Variants in WDR36 observed in about 807,000 individuals in gnomAD.
WDR36 encodes the protein WD repeat domain 36, also known as WD repeat-containing protein 36.
In WDR36, 63 loss-of-function variants were observed where a neutral mutation model predicts 112.7. The ratio of observed to expected loss-of-function variants is 0.56; its 90% CI spans 0.46 to 0.69. WDR36 has a LOEUF of 0.69. WDR36 is among the 30% of genes least tolerant of loss of function. The probability of loss-of-function intolerance (pLI) is 0.00; values close to 1 mark genes in which losing one functional copy is unlikely to be tolerated. For synonymous variants in WDR36, 410 were observed against 362.2 expected (o/e 1.13, Z -1.50); for missense variants, 1,226 against 1,070.3 (o/e 1.15, Z -2.03).
Position 111,120,410 on chromosome 5 carries a change from TGTAGTCAAATTCAAG to T in WDR36, c.1905-85_1905-71del, listed in dbSNP as rs1385777526. 3 of 1,062,972 alleles carry T rather than the reference TGTAGTCAAATTCAAG, an allele frequency of 2.8e-6. No individual in the cohort carries two copies. The African/African-American group carries it at 4.8e-5, about 17-fold the overall frequency. The allele number at this position is 1,062,972 out of a possible 1,614,324, so 65.8% of individuals were successfully genotyped here. A position where few individuals can be genotyped will look rare whatever the true frequency, so the allele number is the denominator to read the frequency against. ...AGGTATTTTTTAACTAATAAAAGTC[TGTAGTCAAATTCAAG>T]ATTGTAGAGTGTTTCTCTGAAAGAA... On this transcript the variant is annotated intron_variant, in intron 17 of 22. Coordinates refer to ENST00000513710, the MANE Select transcript of WDR36 (RefSeq NM_139281.3).
chr5:111,100,857 C>T, intron 5 of WDR36, 136 bp downstream of exon 5: 6 of 795,868 alleles, frequency 7.5e-6, no homozygotes, highest in South Asian at 2.2e-5. Flanking sequence ...CAGTTGGTCC[C>T]CTGTATCAGA....
At chr5:111,110,394 A>C (rs1042704469) in intron 13 of WDR36, 91 bp downstream of exon 13, 85 of 1,060,228 alleles carry the variant, frequency 8.0e-5, no homozygotes, top group Non-Finnish European at 1.2e-4. Context: ...AGTGCTGGGC[A>C]TTTTGCTAAA....
chr5:111,104,331 T>C lies in WDR36; in HGVS notation c.885T>C (p.Asn295=), dbSNP rs781293533. ...FLHREPLLVT[N]GADNALRIWI... ...ATAGAGAGCCACTTCTTGTCACAAA[T>C]GGCGCTGACAATGCTCTTAGGGTAT... The change falls in exon 8 of 23, where the codon AAT becomes AAC. Residue 295 remains asparagine (N), a synonymous_variant. Coordinates refer to ENST00000513710, the MANE Select transcript of WDR36 (RefSeq NM_139281.3). The C allele has an allele frequency of 6.2e-7, 1 of 1,611,912 alleles. No homozygotes were observed. Among genetic ancestry groups the C allele is most frequent in the South Asian group, 1.1e-5 (1 of 91,062 alleles).
In WDR36 at chr5:111,113,055, T is replaced by C; in HGVS notation, c.1717-19T>C. 1 of 503,540 alleles carries C rather than the reference T, an allele frequency of 2.0e-6. No individual in the cohort carries two copies. The highest frequency in any genetic ancestry group is 2.8e-6 in the Non-Finnish European group (1 of 359,954). 31.2% of individuals were successfully genotyped at this position (503,540 alleles called of 1,614,324 possible). ...TAAATAATATATATATATATATATT[T>C]TTTTTTTTTAATTTAAAGGCTTTTA... On this transcript the variant is annotated intron_variant, in intron 15 of 22. Coordinates refer to ENST00000513710, the MANE Select transcript of WDR36 (RefSeq NM_139281.3).
chr5:111,120,633 T>C (rs1269855884), intron 18 of WDR36, 40 bp downstream of exon 18: 11 of 1,514,536 alleles, frequency 7.3e-6, no homozygotes, highest in Non-Finnish European at 1.0e-5. Flanking sequence ...AGGTGTAATA[T>C]TATAAACCTA....
Position 111,110,523 on chromosome 5 carries a change from AT to A in WDR36, c.1441+228del, listed in dbSNP as rs886386690. ...AGTTACGTGGATATTATACAGATTA[AT>A]TTTTTTTCTTCTCTCCTTTAAGCAG... On this transcript the variant is annotated intron_variant, in intron 13 of 22. Transcript: ENST00000513710. Among the ~76,000 whole-genome samples, 21 of 151,450 alleles carry A rather than the reference AT, an allele frequency of 1.4e-4. 1 individual carries two copies. The highest frequency in any genetic ancestry group is 3.4e-3 in the Middle Eastern group (1 of 294).
intron 21 of WDR36, among the ~76,000 whole-genome samples, chr5:111,124,402 G>A (rs1262773864): frequency 6.6e-6 from 1 of 152,028 alleles, no homozygotes; most frequent in Non-Finnish European, 1.5e-5. Flanking sequence ...ATCTGTTGAA[G>A]ATTTTTCATA....
Position 111,125,605 on chromosome 5 carries a change from C to T in WDR36, c.2351-3C>T, listed in dbSNP as rs373005607. The stretch of plus-strand genomic sequence containing the variant: ...GTCATAACTGGATTAAAATTTAATG[C>T]AGATGACACTGCTCTCAACCTTCTG... On this transcript the variant is annotated splice_region_variant and splice_polypyrimidine_tract_variant and intron_variant, in intron 21 of 22. Coordinates refer to ENST00000513710, the MANE Select transcript of WDR36 (RefSeq NM_139281.3). 7 of 1,612,430 alleles carry T rather than the reference C, an allele frequency of 4.3e-6. No individual in the cohort carries two copies. The highest frequency in any genetic ancestry group is 5.9e-6 in the Non-Finnish European group (7 of 1,179,160).
chr5:111,128,518 G>C lies in WDR36; in HGVS notation c.*1635G>C, dbSNP rs1753721666. The C allele has an allele frequency of 1.1e-5, 2 of 178,966 alleles. No individual in the cohort carries two copies. The highest frequency in any genetic ancestry group is 1.8e-4 in the East Asian group (2 of 10,842). The allele number at this position is 178,966 out of a possible 1,614,324, so 11.1% of individuals were successfully genotyped here. On this transcript the variant is annotated 3_prime_UTR_variant, in exon 23 of 23. Transcript: ENST00000513710. ...ATACTATATTCTAAATTGGAATATG[G>C]CAAAATCCCAATATATAATTCTATA...
intron 19 of WDR36, among the ~76,000 whole-genome samples, chr5:111,121,733 A>C (rs1271971274): frequency 6.6e-6 from 1 of 152,166 alleles, no homozygotes; most frequent in Admixed American, 6.5e-5. Flanking sequence ...AAAATGGACA[A>C]CTATGGTATA....
chr5:111,122,926 A>G (rs1290874013), intron 19 of WDR36, among the ~76,000 whole-genome samples: 3 of 152,190 alleles, frequency 2.0e-5, no homozygotes, highest in African/African-American at 7.2e-5. Context: ...CCTGGTCAAC[A>G]TGGTGAAACC....
At position 111,097,185 on chromosome 5, in the gene WDR36, T is replaced by C. The variant is rs1753011202; in HGVS notation, c.291+6T>C. 3 of 1,605,140 alleles carry C rather than the reference T, an allele frequency of 1.9e-6. No homozygotes were observed. Among genetic ancestry groups the C allele is most frequent in the Non-Finnish European group, 2.6e-6 (3 of 1,172,350 alleles). On this transcript the variant is annotated splice_donor_region_variant and intron_variant, in intron 3 of 22. Coordinates refer to ENST00000513710, the MANE Select transcript of WDR36 (RefSeq NM_139281.3). ...CATTTGCCCGTAATAAAGAGGTTGG[T>C]ATCGCTAAACTACTTGTTTGTCAGT...
chr5:111,105,448 AT>A (rs1753205638), intron 10 of WDR36, 88 bp downstream of exon 10: 1 of 1,260,126 alleles, frequency 7.9e-7, no homozygotes, highest in Non-Finnish European at 1.2e-6. Context: ...TCATCAATGC[AT>A]TTTATTTTTT....
chr5:111,102,278 G>A, intron 5 of WDR36, 67 bp from the exon 6 acceptor site: 1 of 1,188,202 alleles, frequency 8.4e-7, no homozygotes, highest in South Asian at 1.3e-5. Context: ...ACTTTTTAAT[G>A]TGTAGCTGAT....
rs540415537 is a variant in WDR36 at position 111,119,876 on chromosome 5, T to G, written c.1905-620T>G. 4.5e-4 allele frequency among the ~76,000 whole-genome samples: 69 copies of G among 152,286 alleles called. 1 individual carries two copies. Among genetic ancestry groups the G allele is most frequent in the South Asian group, 3.7e-3 (18 of 4,824 alleles). On this transcript the variant is annotated intron_variant, in intron 17 of 22. Transcript: ENST00000513710. ...TTTAGAAAAGAATAGCTATGAGCACTCACAGCAGGAGTATGGCCCTTCTCA... is the reference window on the plus strand; with the variant it reads ...TTTAGAAAAGAATAGCTATGAGCACGCACAGCAGGAGTATGGCCCTTCTCA...
chr5:111,104,562 C>G, intron 8 of WDR36, 135 bp from the exon 9 acceptor site: 1 of 1,417,862 alleles, frequency 7.1e-7, no homozygotes, highest in Non-Finnish European at 9.9e-7. Flanking sequence ...AATACCCACT[C>G]CCTCCCTTGT....
intron 2 of WDR36, among the ~76,000 whole-genome samples, chr5:111,096,071 G>A (rs1392806706): frequency 6.6e-6 from 1 of 152,130 alleles, no homozygotes; most frequent in Non-Finnish European, 1.5e-5. Flanking sequence ...ATAAAACAGG[G>A]TTATGCAAAC....
At chr5:111,113,952 A>G (rs535427625) in intron 16 of WDR36, among the ~76,000 whole-genome samples, 2 of 152,284 alleles carry the variant, frequency 1.3e-5, no homozygotes. Flanking sequence ...ACTCCCTCTC[A>G]ATACCATCAC....
chr5:111,121,904 G>T (rs1753574615), intron 19 of WDR36, among the ~76,000 whole-genome samples: 1 of 152,142 alleles, frequency 6.6e-6, no homozygotes, highest in Admixed American at 6.5e-5. Context: ...ACATACACTA[G>T]ATCTGCTGGA....
Sources: gnomAD v4.1 joint callset for allele counts (sites outside exome capture counted in the v4.1 genomes callset) on GRCh38, gnomAD v4.1.1 for gene constraint, MANE v1.5 for transcripts, NCBI Gene and HGNC (gene_info 2026-07-23, HGNC 2026-07-21) for gene names.